Variants in NTM observed in about 807,000 individuals in gnomAD.
NTM encodes the protein neurotrimin, also known as IgLON family member 2.
NTM carries 13 observed loss-of-function variants against 42.1 expected under a neutral mutation model. That is an observed-to-expected ratio of 0.31 (90% CI 0.20 to 0.49). The LOEUF (loss-of-function observed/expected upper bound fraction) is 0.49, where lower values mean the gene tolerates loss of function less well. Ranked by LOEUF, NTM falls within the 20% of genes least tolerant of loss-of-function variation. The pLI, the probability that NTM is intolerant of heterozygous loss-of-function variation, is 0.99. For synonymous variants in NTM, 187 were observed against 179.2 expected (o/e 1.04, Z -0.35); for missense variants, 373 against 452.8 (o/e 0.82, Z 1.60).
intron 1 of NTM, among the ~76,000 whole-genome samples, chr11:131,574,760 C>T (rs1404565397): frequency 6.6e-6 from 1 of 152,040 alleles, no homozygotes; most frequent in African/African-American, 2.4e-5. Context: ...ATTATTCCTC[C>T]TGGGAAGTCA....
chr11:132,034,416 A>G (rs934503881), intron 2 of NTM, among the ~76,000 whole-genome samples: 1 of 152,186 alleles, frequency 6.6e-6, no homozygotes, highest in Non-Finnish European at 1.5e-5. Flanking sequence ...ATGTATGTTA[A>G]GTGCATCTGT....
intron 3 of NTM, among the ~76,000 whole-genome samples, chr11:132,166,236 C>A (rs2075260617): frequency 6.6e-6 from 1 of 152,108 alleles, no homozygotes; most frequent in Non-Finnish European, 1.5e-5. Flanking sequence ...TCACTTAGTT[C>A]CAGGTGTCAT....
At position 132,003,623 on chromosome 11, in the gene NTM, T is replaced by G. The variant is rs1157764935; in HGVS notation, c.167+91975T>G. On this transcript the variant is annotated intron_variant, in intron 2 of 8. Coordinates refer to ENST00000683400, the MANE Select transcript of NTM (RefSeq NM_001352005.2). This position sits in a 1 kb window ranked among gnomAD's most constrained non-coding sequence, Gnocchi z 6.0. Reference sequence around the variant, plus strand: ...GGGACCACACTTTGAGAATGTGCTTTCAGCTCAGCTCTGTTGTTCACTCAA... The same window carrying G: ...GGGACCACACTTTGAGAATGTGCTTGCAGCTCAGCTCTGTTGTTCACTCAA... 6.6e-6 allele frequency among the ~76,000 whole-genome samples: 1 copy of G among 152,162 alleles called. No individual in the cohort carries two copies. The highest frequency in any genetic ancestry group is 2.1e-4 in the South Asian group (1 of 4,822).
At chr11:131,604,290 T>C (rs1289869175) in intron 1 of NTM, among the ~76,000 whole-genome samples, 1 of 152,164 alleles carries the variant, frequency 6.6e-6, no homozygotes, top group African/African-American at 2.4e-5. Flanking sequence ...GATGCATATT[T>C]TCGTGTGGTT....
chr11:132,250,413 A>T (rs923074974), intron 4 of NTM, among the ~76,000 whole-genome samples: 25 of 152,008 alleles, frequency 1.6e-4, no homozygotes, highest in African/African-American at 5.1e-4. Context: ...CTATGGATTA[A>T]TTTTTTTATT....
intron 4 of NTM, among the ~76,000 whole-genome samples, chr11:132,272,358 T>C (rs2093522859): frequency 6.6e-6 from 1 of 152,140 alleles, no homozygotes. Flanking sequence ...TTAGTTCTTC[T>C]AGGACCCTTG....
intron 1 of NTM, among the ~76,000 whole-genome samples, chr11:131,704,900 G>T (rs1005377420): frequency 6.6e-6 from 1 of 152,038 alleles, no homozygotes; most frequent in Non-Finnish European, 1.5e-5. Context: ...CTCAAAGACA[G>T]GTCATTTGAA....
chr11:131,563,402 G>A (rs1204357939), intron 1 of NTM, among the ~76,000 whole-genome samples: 1 of 152,144 alleles, frequency 6.6e-6, no homozygotes. Context: ...CTCTGGGGAA[G>A]ACTGCAAGAA....
rs538143292 is a variant in NTM, at chr11:132,033,360, T to C, written c.168-112922T>C. Among the ~76,000 whole-genome samples the C allele has an allele frequency of 3.3e-5, 5 of 152,308 alleles. No homozygotes were observed. In the South Asian group the frequency reaches 1.0e-3, roughly 32 times the overall value. On this transcript the variant is annotated intron_variant, in intron 2 of 8. Coordinates refer to ENST00000683400, the MANE Select transcript of NTM (RefSeq NM_001352005.2). ...AATCTGCCTAGCTGAAGAGATAACA[T>C]GAGTGGTGAATAGAACATTATTGTG...
In NTM at chr11:131,774,601, A is replaced by T. The variant is rs575965891; in HGVS notation, c.83-136963A>T. On this transcript the variant is annotated intron_variant, in intron 1 of 8. Transcript: ENST00000683400. ...GTAAGATTTTTTGGCTCCAAATATA[A>T]TTTTTCTCCTTGTTTTAGGCAATTG... Among the ~76,000 whole-genome samples the T allele has an allele frequency of 1.2e-4, 18 of 152,178 alleles. No individual in the cohort carries two copies. The South Asian group carries it at 3.5e-3, about 30-fold the overall frequency.
rs547383359 is a variant in NTM, at chr11:132,311,064, G to A, written c.782+832G>A. Among the ~76,000 whole-genome samples, 383 of 152,256 alleles carry A rather than the reference G, an allele frequency of 2.5e-3. 1 individual carries two copies. The highest frequency in any genetic ancestry group is 8.5e-3 in the African/African-American group (353 of 41,546). On this transcript the variant is annotated intron_variant, in intron 6 of 8. Coordinates refer to ENST00000683400, the MANE Select transcript of NTM (RefSeq NM_001352005.2). ...GTGGGGTGGAGTAAGAGCAAGGAGT[G>A]GGGGAGGCCAGGAGGCTGAGAAGGA...
chr11:131,865,244 A>G (rs1158693421), intron 1 of NTM, among the ~76,000 whole-genome samples: 1 of 152,242 alleles, frequency 6.6e-6, no homozygotes, highest in Non-Finnish European at 1.5e-5. Context: ...GCCAACACTC[A>G]AGCCCCTTCT....
intron 1 of NTM, among the ~76,000 whole-genome samples, chr11:131,715,831 T>G (rs747135187): frequency 1.3e-5 from 2 of 152,246 alleles, no homozygotes; most frequent in African/African-American, 4.8e-5. Flanking sequence ...CATGTATTAG[T>G]AGTTCATTTT....
chr11:132,236,021 C>CACACACACACACACACACACACACAT, intron 4 of NTM, among the ~76,000 whole-genome samples: 1 of 150,798 alleles, frequency 6.6e-6, no homozygotes, highest in East Asian at 1.9e-4. Flanking sequence ...CACACACACA[C>CACACACACACACACACACACACACAT]AACAAAATTG....
At chr11:132,160,560 C>G (rs7118370) in intron 3 of NTM, among the ~76,000 whole-genome samples, 122,046 of 152,256 alleles carry the variant, frequency 0.8, 49,058 homozygotes, top group Middle Eastern at 0.85. Flanking sequence ...GCTACACTCA[C>G]GGTAGAGCAC....
chr11:131,664,528 G>T (rs1360679530), intron 1 of NTM, among the ~76,000 whole-genome samples: 2 of 152,052 alleles, frequency 1.3e-5, no homozygotes, highest in Non-Finnish European at 2.9e-5. Context: ...GAGGCGTATG[G>T]GCCCCAGGAA....
At chr11:132,119,421 A>G (rs1006718365) in intron 2 of NTM, among the ~76,000 whole-genome samples, 14 of 152,178 alleles carry the variant, frequency 9.2e-5, no homozygotes, top group African/African-American at 3.4e-4. Context: ...CTGGGGTCGC[A>G]GCAGCAGGAA....
chr11:131,975,542 G>A (rs933919389), intron 2 of NTM, among the ~76,000 whole-genome samples: 10 of 146,924 alleles, frequency 6.8e-5, no homozygotes, highest in African/African-American at 2.0e-4. Context: ...TTAGGGGAGG[G>A]GGGAAAAAAA....
At chr11:131,860,229 G>A (rs1178508699) in intron 1 of NTM, among the ~76,000 whole-genome samples, 2 of 152,184 alleles carry the variant, frequency 1.3e-5, no homozygotes, top group Non-Finnish European at 2.9e-5. Flanking sequence ...TCTCGTGTTT[G>A]GAGGGTCTCT....
Sources: gnomAD v4.1 joint callset for allele counts (sites outside exome capture counted in the v4.1 genomes callset) on GRCh38, gnomAD v4.1.1 for gene constraint, Gnocchi (gnomAD v3.1) non-coding constraint, MANE v1.5 for transcripts, NCBI Gene and HGNC (gene_info 2026-07-23, HGNC 2026-07-21) for gene names.